Variants in KMT2A observed in about 807,000 individuals in gnomAD.
The protein encoded by KMT2A is lysine methyltransferase 2A, also known as histone-lysine N-methyltransferase 2A.
In KMT2A, 16 loss-of-function variants were observed where a neutral mutation model predicts 345.3. That is an observed-to-expected ratio of 0.05 (90% confidence interval 0.03 to 0.07). The LOEUF is 0.07. Ranked by LOEUF, KMT2A falls within the 10% of genes least tolerant of loss-of-function variation. KMT2A has a pLI of 1.00. For missense variants in KMT2A, 3,272 were observed against 4,841.6 expected (o/e 0.68, Z 9.62); for synonymous variants, 1,599 against 1,778.6 (o/e 0.90, Z 2.54).
At position 118,498,705 on chromosome 11, in the gene KMT2A, G is replaced by A. The variant is rs1950450348; in HGVS notation, c.5961+177G>A. ...ACCAGAGTGGTGCATTTGTTACAGT[G>A]GATAAACCTACACTGGACACATGGT... On this transcript the variant is annotated intron_variant, in intron 22 of 35. Transcript: ENST00000534358. The surrounding 1 kb of genome is among the most constrained non-coding windows in gnomAD (Gnocchi z 4.4). Among the ~76,000 whole-genome samples, 1 of 152,020 alleles carries A rather than the reference G, an allele frequency of 6.6e-6. No homozygotes were observed. Among genetic ancestry groups the A allele is most frequent in the African/African-American group, 2.4e-5 (1 of 41,384 alleles).
chr11:118,472,652 T>C lies in KMT2A; in HGVS notation c.1493T>C (p.Val498Ala). Residue 498 changes from valine to alanine, a missense_variant, in exon 3 of 36, where the codon GTA becomes GCA. Coordinates refer to ENST00000534358, the MANE Select transcript of KMT2A (RefSeq NM_001197104.2). ...TCTCAGGCTTCTGAGGAGATTCAGG[T>C]ACTTCCTGAGGAGCGGAGCGATACC... ...TDSQASEEIQVLPEERSDTPE... is the reference protein window; with the variant it reads ...TDSQASEEIQALPEERSDTPE... 1 of 1,612,862 alleles carries C rather than the reference T, an allele frequency of 6.2e-7. No homozygotes were observed. The highest frequency in any genetic ancestry group is 1.1e-5 in the South Asian group (1 of 91,008).
Position 118,520,308 on chromosome 11 carries a change from T to C in KMT2A, c.11429+244T>C, listed in dbSNP as rs1270635277. On this transcript the variant is annotated intron_variant, in intron 33 of 35. Transcript: ENST00000534358. The surrounding 1 kb of genome is among the most constrained non-coding windows in gnomAD (Gnocchi z 4.3). ...TAATGATAGTATACTCTGTCAGCTTTGGTTGTACCACCATAGTTGTCATGG... is the reference window on the plus strand; with the variant it reads ...TAATGATAGTATACTCTGTCAGCTTCGGTTGTACCACCATAGTTGTCATGG... The C allele has an allele frequency of 4.0e-6, 2 of 494,904 alleles. No homozygotes were observed. The highest frequency in any genetic ancestry group is 1.9e-5 in the African/African-American group (1 of 51,560). 30.7% of individuals were successfully genotyped at this position (494,904 alleles called of 1,614,324 possible). A position where few individuals can be genotyped will look rare whatever the true frequency, so the allele number is the denominator to read the frequency against.
intron 1 of KMT2A, among the ~76,000 whole-genome samples, chr11:118,453,191 G>A (rs782001177): frequency 1.3e-5 from 2 of 152,202 alleles, no homozygotes; most frequent in Non-Finnish European, 2.9e-5. Context: ...CTCCTTGAAA[G>A]TGCTGTGTGT....
rs1555049389 is a variant in KMT2A, at chr11:118,509,153, C to A, written c.10853C>A (p.Pro3618Gln). Residue 3618 changes from proline to glutamine, a missense_variant, in exon 29 of 36, where the codon CCG becomes CAG. Coordinates refer to ENST00000534358, the MANE Select transcript of KMT2A (RefSeq NM_001197104.2). The part of the protein sequence containing the change: ...GQPAGQVAVL[P>Q]EVQVTQNPAN... ...TTATTTAGGCAAGTCGCTGTTCTTC[C>A]GGAAGTTCAGGTGACCCAAAATCCA... is the stretch of plus-strand genomic sequence containing the variant. 6.2e-7 allele frequency: 1 copy of A among 1,613,582 alleles called. No homozygotes were observed. The highest frequency in any genetic ancestry group is 1.1e-5 in the South Asian group (1 of 91,036).
intron 15 of KMT2A, among the ~76,000 whole-genome samples, chr11:118,492,572 G>A (rs1392303475): frequency 2.0e-5 from 3 of 152,198 alleles, no homozygotes; most frequent in South Asian, 2.1e-4. Flanking sequence ...CCAGCTACTC[G>A]GCAGGCTGAG....
At chr11:118,439,818 T>A (rs1168256492) in intron 1 of KMT2A, among the ~76,000 whole-genome samples, 1 of 152,184 alleles carries the variant, frequency 6.6e-6, no homozygotes, top group African/African-American at 2.4e-5. Flanking sequence ...CTCTGTTCCA[T>A]GGGTAAGCTT....
At position 118,490,990 on chromosome 11, in the gene KMT2A, G is replaced by T. The variant is rs1441899713; in HGVS notation, c.4697-206G>T. Among the ~76,000 whole-genome samples, 4 of 152,174 alleles carry T rather than the reference G, an allele frequency of 2.6e-5. No individual in the cohort carries two copies. The highest frequency in any genetic ancestry group is 4.4e-5 in the Non-Finnish European group (3 of 68,030). ...ACTAGTAAACTAAAGAAAACTAGTA[G>T]CATATGAAGCTTTTCTGTGAGTATT... On this transcript the variant is annotated intron_variant, in intron 13 of 35. Transcript: ENST00000534358. The surrounding 1 kb of genome is among the most constrained non-coding windows in gnomAD (Gnocchi z 4.2).
chr11:118,494,450 C>G lies in KMT2A; in HGVS notation c.5289+52C>G, dbSNP rs868982971. The G allele has an allele frequency of 1.8e-5, 18 of 991,756 alleles. No individual in the cohort carries two copies. In the Middle Eastern group the frequency reaches 1.8e-3, roughly 101 times the overall value. The allele number at this position is 991,756 out of a possible 1,614,324, so 61.4% of individuals were successfully genotyped here. On this transcript the variant is annotated intron_variant, in intron 17 of 35. Coordinates refer to ENST00000534358, the MANE Select transcript of KMT2A (RefSeq NM_001197104.2). The surrounding 1 kb of genome is among the most constrained non-coding windows in gnomAD (Gnocchi z 5.8). Reference sequence around the variant, plus strand: ...TTAATGCTTACCTATAAGTAATTACCCTGTGAATACAATGAACTTGTTCTC... The same window carrying G: ...TTAATGCTTACCTATAAGTAATTACGCTGTGAATACAATGAACTTGTTCTC...
At chr11:118,480,807 T>G (rs1386396144) in intron 6 of KMT2A, among the ~76,000 whole-genome samples, 2 of 151,996 alleles carry the variant, frequency 1.3e-5, no homozygotes, top group African/African-American at 4.8e-5. Flanking sequence ...GGACTACAGG[T>G]GCGCACCACC....
At chr11:118,464,474 G>A (rs1949803989) in intron 1 of KMT2A, among the ~76,000 whole-genome samples, 1 of 151,672 alleles carries the variant, frequency 6.6e-6, no homozygotes, top group Non-Finnish European at 1.5e-5. Context: ...GGCAGAGGTT[G>A]CAGTGAGTGA....
In KMT2A at chr11:118,478,026, A is replaced by T; in HGVS notation, c.3394A>T (p.Ile1132Phe). 6.2e-7 allele frequency: 1 copy of T among 1,614,132 alleles called. No individual in the cohort carries two copies. The highest frequency in any genetic ancestry group is 2.2e-5 in the East Asian group (1 of 44,886). Residue 1132 changes from isoleucine (I) to phenylalanine (F), a missense_variant, in exon 5 of 36, where the codon ATT becomes TTT. By Grantham distance (21) the Ile-to-Phe change is conservative (BLOSUM62 0). This residue lies in a region of KMT2A where 33 missense variants were observed against 46.5 expected (regional missense o/e 0.71). Coordinates refer to ENST00000534358, the MANE Select transcript of KMT2A (RefSeq NM_001197104.2). ...ACCTCTTGCTCCACCCATCAAACCA[A>T]TTAAACCTGTCACTAGAAACAAGGC... ...AEPLAPPIKPIKPVTRNKAPQ... is the reference protein window; with the variant it reads ...AEPLAPPIKPFKPVTRNKAPQ...
At chr11:118,519,378 T>C in intron 31 of KMT2A, 1 of 447,324 alleles carries the variant, frequency 2.2e-6, no homozygotes, top group East Asian at 3.4e-5. Context: ...AGCAAAATAG[T>C]CCATAGTTTG....
intron 31 of KMT2A, 137 bp from the exon 32 acceptor site, chr11:118,519,481 A>C: frequency 8.9e-6 from 6 of 671,958 alleles, no homozygotes; most frequent in Non-Finnish European, 1.6e-5. Flanking sequence ...TCTGATGCTA[A>C]TTTCGAGCTA....
Position 118,490,018 on chromosome 11 carries a change from C to A in KMT2A, c.4576-111C>A. The A allele has an allele frequency of 7.0e-7, 1 of 1,430,518 alleles. No individual in the cohort carries two copies. The highest frequency in any genetic ancestry group is 1.2e-5 in the South Asian group (1 of 80,730). The allele number at this position is 1,430,518 out of a possible 1,614,324, so 88.6% of individuals were successfully genotyped here. A position where few individuals can be genotyped will look rare whatever the true frequency, so the allele number is the denominator to read the frequency against. ...TCTTTTTGCCTCATTACTAGGAAAT[C>A]ATCTCAGCAGAGAAATTAAATCTAT... On this transcript the variant is annotated intron_variant, in intron 12 of 35. Transcript: ENST00000534358. The surrounding 1 kb of genome is among the most constrained non-coding windows in gnomAD (Gnocchi z 4.2).
In KMT2A at chr11:118,497,746, A is replaced by G. The variant is rs1257210250; in HGVS notation, c.5665-190A>G. ...TAAAATAGTTTCAGTCTATGGAAAA[A>G]GTAATCTTGAAAAGAAGGAAGTGGA... On this transcript the variant is annotated intron_variant, in intron 20 of 35. Coordinates refer to ENST00000534358, the MANE Select transcript of KMT2A (RefSeq NM_001197104.2). This position sits in a 1 kb window ranked among gnomAD's most constrained non-coding sequence, Gnocchi z 4.8. Among the ~76,000 whole-genome samples, 1 of 152,208 alleles carries G rather than the reference A, an allele frequency of 6.6e-6. No homozygotes were observed. The highest frequency in any genetic ancestry group is 1.5e-5 in the Non-Finnish European group (1 of 68,032).
At chr11:118,455,977 C>G (rs1555030737) in intron 1 of KMT2A, among the ~76,000 whole-genome samples, 1 of 152,172 alleles carries the variant, frequency 6.6e-6, no homozygotes, top group Admixed American at 6.5e-5. Flanking sequence ...GCATGAGCCA[C>G]TGTGCCCAGC....
Position 118,514,929 on chromosome 11 carries a change from G to A in KMT2A, c.11146+2904G>A, listed in dbSNP as rs1373862197. ...ATTACAGGCGTGAGCCACCACGCCC[G>A]GCCTAATTTTTGTATTTTTAGTAGA... On this transcript the variant is annotated intron_variant, in intron 31 of 35. Transcript: ENST00000534358. Among the ~76,000 whole-genome samples, 6 of 152,082 alleles carry A rather than the reference G, an allele frequency of 3.9e-5. No homozygotes were observed. The East Asian group carries it at 9.6e-4, about 24-fold the overall frequency.
Position 118,497,886 on chromosome 11 carries a change from T to A in KMT2A, c.5665-50T>A. The A allele has an allele frequency of 6.7e-7, 1 of 1,482,996 alleles. No individual in the cohort carries two copies. Among genetic ancestry groups the A allele is most frequent in the Non-Finnish European group, 9.4e-7 (1 of 1,068,914 alleles). 91.9% of individuals were successfully genotyped at this position (1,482,996 alleles called of 1,614,324 possible). A position where few individuals can be genotyped will look rare whatever the true frequency, so the allele number is the denominator to read the frequency against. ...GGAAAAGCTAATGCCGAGGAAAACC[T>A]CCTTTGGCATTATATTCTTTAGGAA... is the stretch of plus-strand genomic sequence containing the variant. On this transcript the variant is annotated intron_variant, in intron 20 of 35. Coordinates refer to ENST00000534358, the MANE Select transcript of KMT2A (RefSeq NM_001197104.2). This position sits in a 1 kb window ranked among gnomAD's most constrained non-coding sequence, Gnocchi z 4.8.
chr11:118,503,580 C>T lies in KMT2A; in HGVS notation c.7688C>T (p.Ser2563Leu). The T allele has an allele frequency of 3.1e-6, 5 of 1,614,192 alleles. No homozygotes were observed. The highest frequency in any genetic ancestry group is 4.2e-6 in the Non-Finnish European group (5 of 1,180,020). Reference protein sequence around the residue: ...IESTSPTEPISASENPGDGPV... With the variant: ...IESTSPTEPILASENPGDGPV... ...TCAACATCTCCCACAGAACCAATTT[C>T]AGCCTCTGAAAATCCAGGAGATGGT... Residue 2563 changes from serine (S) to leucine (L), a missense_variant, in exon 27 of 36, where the codon TCA becomes TTA. Around this residue, in one of 27 missense-constraint regions of KMT2A, gnomAD observed 445 missense variants for 500.9 expected, o/e 0.89. Coordinates refer to ENST00000534358, the MANE Select transcript of KMT2A (RefSeq NM_001197104.2). This position sits in a 1 kb window ranked among gnomAD's most constrained non-coding sequence, Gnocchi z 5.3.
Sources: allele counts gnomAD v4.1 joint callset (sites outside exome capture counted in the v4.1 genomes callset), GRCh38; gene constraint gnomAD v4.1.1; regional missense constraint gnomAD v4.1.1; non-coding constraint Gnocchi (gnomAD v3.1); transcripts MANE v1.5; gene names NCBI Gene and HGNC (gene_info 2026-07-23, HGNC 2026-07-21).